Variants in TMEM120B observed in about 807,000 individuals in gnomAD.
TMEM120B encodes the protein transmembrane protein 120B.
Under a neutral mutation model 55.5 loss-of-function variants are expected in TMEM120B, and 31 were observed. The ratio of observed to expected loss-of-function variants is 0.56; its 90% CI spans 0.42 to 0.75. The LOEUF (loss-of-function observed/expected upper bound fraction) is 0.75, where lower values mean the gene tolerates loss of function less well. Ranked by LOEUF, TMEM120B falls within the 30% of genes least tolerant of loss-of-function variation. TMEM120B has a pLI of 0.00. For synonymous variants in TMEM120B, 203 were observed against 176.3 expected, an observed-to-expected ratio of 1.15 and a Z score of -1.20; for missense variants, 399 against 425.5, an observed-to-expected ratio of 0.94 and a Z score of 0.55.
chr12:121,765,778 C>A (rs1256006568), intron 6 of TMEM120B, among the ~76,000 whole-genome samples: 1 of 152,156 alleles, frequency 6.6e-6, no homozygotes, highest in Non-Finnish European at 1.5e-5. Context: ...TAGCCTCCGC[C>A]CTCCTCCAGC....
intron 3 of TMEM120B, among the ~76,000 whole-genome samples, chr12:121,748,937 C>T (rs1342960494): frequency 1.3e-5 from 2 of 152,200 alleles, no homozygotes; most frequent in African/African-American, 4.8e-5. Flanking sequence ...TTTGTATTTT[C>T]CCCCTTCAGA....
chr12:121,763,172 T>C (rs1197849310), intron 6 of TMEM120B, among the ~76,000 whole-genome samples: 2 of 147,406 alleles, frequency 1.4e-5, no homozygotes, highest in Non-Finnish European at 3.0e-5. Flanking sequence ...TTTTTTTTTT[T>C]TTTTTTTTGA....
chr12:121,774,192 G>C (rs1423789265), intron 9 of TMEM120B, among the ~76,000 whole-genome samples: 1 of 152,156 alleles, frequency 6.6e-6, no homozygotes, highest in Non-Finnish European at 1.5e-5. Flanking sequence ...CTGGCCTCAA[G>C]TGATCTGCCC....
intron 1 of TMEM120B, among the ~76,000 whole-genome samples, chr12:121,716,602 G>A (rs1367035924): frequency 1.2e-4 from 15 of 123,536 alleles, no homozygotes; most frequent in East Asian, 4.6e-4. Flanking sequence ...TTGCTCTGTC[G>A]CCCAAACTAG....
chr12:121,727,397 A>C (rs1424496829), intron 1 of TMEM120B, among the ~76,000 whole-genome samples: 1 of 151,922 alleles, frequency 6.6e-6, no homozygotes, highest in Non-Finnish European at 1.5e-5. Context: ...TGAGCCAGGC[A>C]TGGTCGTGCG....
rs573642005 is a variant in TMEM120B, at chr12:121,720,287, C to T, written c.69+7323C>T. ...TGGATTCTGACACATGACTCAGAAT[C>T]TGTCCCGCACAGGACGCATACACGT... On this transcript the variant is annotated intron_variant, in intron 1 of 11. Coordinates refer to ENST00000449592, the MANE Select transcript of TMEM120B (RefSeq NM_001080825.2). Among the ~76,000 whole-genome samples the T allele has an allele frequency of 3.3e-5, 5 of 152,320 alleles. No homozygotes were observed. In the South Asian group the frequency reaches 1.0e-3, roughly 32 times the overall value.
In TMEM120B at chr12:121,750,361, C is replaced by T; in HGVS notation, c.306-19C>T. The T allele has an allele frequency of 6.2e-7, 1 of 1,611,042 alleles. No individual in the cohort carries two copies. Among genetic ancestry groups the T allele is most frequent in the Non-Finnish European group, 8.5e-7 (1 of 1,177,806 alleles). On this transcript the variant is annotated intron_variant, in intron 3 of 11. Coordinates refer to ENST00000449592, the MANE Select transcript of TMEM120B (RefSeq NM_001080825.2). ...CCCACCTGCTAAGGATCATGCCCCT[C>T]ACAGGTGTTTCCTTCCAGGCTCTAC...
intron 1 of TMEM120B, among the ~76,000 whole-genome samples, chr12:121,716,014 C>G (rs1339114280): frequency 2.7e-5 from 4 of 149,912 alleles, no homozygotes; most frequent in Non-Finnish European, 5.9e-5. Context: ...TTGTTGGGAG[C>G]TCGGTGCATT....
intron 1 of TMEM120B, among the ~76,000 whole-genome samples, chr12:121,734,557 C>T (rs941837029): frequency 6.6e-6 from 1 of 151,968 alleles, no homozygotes; most frequent in South Asian, 2.1e-4. Flanking sequence ...CACGCCTGGC[C>T]ATGAAAGTTT....
chr12:121,729,415 A>G (rs1381862346), intron 1 of TMEM120B, among the ~76,000 whole-genome samples: 2 of 152,200 alleles, frequency 1.3e-5, no homozygotes, highest in Non-Finnish European at 2.9e-5. Context: ...GTGCATCAAG[A>G]CAGCTGCATA....
At chr12:121,719,971 A>T (rs939512855) in intron 1 of TMEM120B, among the ~76,000 whole-genome samples, 1 of 152,144 alleles carries the variant, frequency 6.6e-6, no homozygotes, top group African/African-American at 2.4e-5. Flanking sequence ...GAGTGCTGGG[A>T]TTATAGGCAT....
intron 5 of TMEM120B, chr12:121,758,051 T>G (rs894104766): frequency 1.9e-6 from 1 of 514,020 alleles, no homozygotes; most frequent in Middle Eastern, 9.6e-4. Context: ...CCCAGGAGAT[T>G]AAGGCTACAG....
intron 1 of TMEM120B, among the ~76,000 whole-genome samples, chr12:121,735,777 G>A (rs1415118188): frequency 4.0e-5 from 6 of 151,186 alleles, no homozygotes; most frequent in Admixed American, 2.0e-4. Flanking sequence ...TGCAACCTCC[G>A]CCTCCTGGGT....
chr12:121,744,266 C>T (rs1018641374), intron 2 of TMEM120B, among the ~76,000 whole-genome samples: 5 of 152,154 alleles, frequency 3.3e-5, no homozygotes, highest in Non-Finnish European at 7.3e-5. Flanking sequence ...ATTCTGGGTT[C>T]AGTCCTCATT....
intron 5 of TMEM120B, among the ~76,000 whole-genome samples, chr12:121,755,381 C>G (rs1408947625): frequency 2.0e-5 from 3 of 152,184 alleles, no homozygotes; most frequent in Admixed American, 2.0e-4. Context: ...ACTCCTTGGG[C>G]GTTTGGAGGC....
intron 1 of TMEM120B, among the ~76,000 whole-genome samples, chr12:121,723,887 C>G (rs529593652): frequency 9.1e-4 from 138 of 152,194 alleles, no homozygotes; most frequent in Non-Finnish European, 1.3e-3. Context: ...CGGCAGCCTT[C>G]ACCTCCTGGC....
At position 121,764,653 on chromosome 12, in the gene TMEM120B, C is replaced by CAA. The variant is rs796148450; in HGVS notation, c.551+2926_551+2927dup. On this transcript the variant is annotated intron_variant, in intron 6 of 11. Transcript: ENST00000449592. ...AGCCTAGGCAAGTGAGACCCTGACT[C>CAA]AAAAAAAAAAAAGTGCTCTGGGGCA... is the stretch of plus-strand genomic sequence containing the variant. Among the ~76,000 whole-genome samples the CAA allele has an allele frequency of 1.8e-4, 25 of 141,542 alleles. 1 individual carries two copies. The highest frequency in any genetic ancestry group is 5.2e-4 in the African/African-American group (20 of 38,542). The allele number at this position is 141,542 out of a possible 152,430, so 92.9% of individuals were successfully genotyped here.
At chr12:121,716,644 C>A (rs1211122513) in intron 1 of TMEM120B, among the ~76,000 whole-genome samples, 1 of 144,548 alleles carries the variant, frequency 6.9e-6, no homozygotes, top group Non-Finnish European at 1.5e-5. Context: ...CTCACTGCAA[C>A]CTTTGCCTCC....
intron 4 of TMEM120B, among the ~76,000 whole-genome samples, chr12:121,750,693 C>T (rs1873260003): frequency 6.9e-6 from 1 of 144,558 alleles, no homozygotes; most frequent in South Asian, 2.2e-4. Context: ...ACACTCAAAA[C>T]CCACACCCCA....
Sources: allele counts gnomAD v4.1 joint callset (sites outside exome capture counted in the v4.1 genomes callset), GRCh38; gene constraint gnomAD v4.1.1; transcripts MANE v1.5; gene names NCBI Gene and HGNC (gene_info 2026-07-23, HGNC 2026-07-21).